PACSIN1: variants seen among roughly 807,000 people sequenced by gnomAD.
PACSIN1 encodes protein kinase C and casein kinase substrate in neurons 1, also known as protein kinase C and casein kinase substrate in neurons protein 1.
In PACSIN1, 15 loss-of-function variants were observed where a neutral mutation model predicts 59.5. That is an observed-to-expected ratio of 0.25 (90% confidence interval 0.17 to 0.39). The LOEUF is 0.39. Ranked by LOEUF, PACSIN1 falls within the 10% of genes least tolerant of loss-of-function variation. The probability of loss-of-function intolerance (pLI) is 1.00; values close to 1 mark genes in which losing one functional copy is unlikely to be tolerated. For missense variants in PACSIN1, 420 were observed against 580.2 expected, an observed-to-expected ratio of 0.72 and a Z score of 2.84; for synonymous variants, 210 against 220.6, an observed-to-expected ratio of 0.95 and a Z score of 0.42.
At position 34,508,860 on chromosome 6, in the gene PACSIN1, T is replaced by A. The variant is rs551678749; in HGVS notation, c.-63-17383T>A. 1.4e-4 allele frequency among the ~76,000 whole-genome samples: 21 copies of A among 152,348 alleles called. No individual in the cohort carries two copies. In the South Asian group the frequency reaches 3.5e-3, roughly 26 times the overall value. ...TCTGTTCAAGCCCTTTGCTCATTTTTAAATTTTTTTTAAGCTATCCAGTTA... is the reference window on the plus strand; with the variant it reads ...TCTGTTCAAGCCCTTTGCTCATTTTAAAATTTTTTTTAAGCTATCCAGTTA... On this transcript the variant is annotated intron_variant, in intron 1 of 9. Coordinates refer to ENST00000244458, the MANE Select transcript of PACSIN1 (RefSeq NM_020804.5).
intron 1 of PACSIN1, among the ~76,000 whole-genome samples, chr6:34,474,539 C>T (rs1766611872): frequency 6.6e-6 from 1 of 152,074 alleles, no homozygotes; most frequent in Non-Finnish European, 1.5e-5. Context: ...CCTGTAATCC[C>T]AGCACTTTGG....
In PACSIN1 at chr6:34,504,284, ATATATAT is replaced by A. The variant is rs1224435689; in HGVS notation, c.-63-21957_-63-21951del. On this transcript the variant is annotated intron_variant, in intron 1 of 9. Coordinates refer to ENST00000244458, the MANE Select transcript of PACSIN1 (RefSeq NM_020804.5). ...TGTGTGTGTGTGTATATATATATAT[ATATATAT>A]TTTTTTTTTTTTTTTTTTAAACGGA... Among the ~76,000 whole-genome samples the A allele has an allele frequency of 1.7e-3, 140 of 80,132 alleles. 1 individual carries two copies. Among genetic ancestry groups the A allele is most frequent in the African/African-American group, 2.0e-3 (32 of 15,942 alleles). 52.6% of individuals were successfully genotyped at this position (80,132 alleles called of 152,430 possible).
At chr6:34,524,950 G>T (rs762260921) in intron 1 of PACSIN1, among the ~76,000 whole-genome samples, 1 of 151,582 alleles carries the variant, frequency 6.6e-6, no homozygotes, top group African/African-American at 2.4e-5. Context: ...TGACATTAAG[G>T]GTTCTAGAAG....
At chr6:34,497,910 G>A (rs193077544) in intron 1 of PACSIN1, among the ~76,000 whole-genome samples, 16 of 152,222 alleles carry the variant, frequency 1.1e-4, no homozygotes, top group African/African-American at 3.9e-4. Context: ...AATACAATTG[G>A]GACTAAGATT....
In PACSIN1 at chr6:34,528,946, G is replaced by A; in HGVS notation, c.456+69G>A. 2.3e-6 allele frequency: 3 copies of A among 1,281,808 alleles called. No homozygotes were observed. In the South Asian group the frequency reaches 3.7e-5, roughly 16 times the overall value. 79.4% of individuals were successfully genotyped at this position (1,281,808 alleles called of 1,614,324 possible). A position where few individuals can be genotyped will look rare whatever the true frequency, so the allele number is the denominator to read the frequency against. ...CTGATCAGAGGGTGCTGATCCCAGG[G>A]AGGGCATCTATGGATGGGTGGGCTG... On this transcript the variant is annotated intron_variant, in intron 4 of 9. Coordinates refer to ENST00000244458, the MANE Select transcript of PACSIN1 (RefSeq NM_020804.5).
At position 34,498,924 on chromosome 6, in the gene PACSIN1, G is replaced by A. The variant is rs545339022; in HGVS notation, c.-63-27319G>A. ...GTTTTTGGCACCGGGGACTGGTTTC[G>A]TGGAAGACAGTTTTTCCACAGACTG... On this transcript the variant is annotated intron_variant, in intron 1 of 9. Transcript: ENST00000244458. 5.2e-3 allele frequency among the ~76,000 whole-genome samples: 793 copies of A among 151,984 alleles called. 6 individuals are homozygous for A. The highest frequency in any genetic ancestry group is 9.1e-3 in the Non-Finnish European group (617 of 68,000).
chr6:34,492,618 G>A (rs1213662963), intron 1 of PACSIN1, among the ~76,000 whole-genome samples: 1 of 152,196 alleles, frequency 6.6e-6, no homozygotes, highest in Non-Finnish European at 1.5e-5. Context: ...CTGACCTCAA[G>A]TGATCCACCC....
At position 34,507,963 on chromosome 6, in the gene PACSIN1, A is replaced by T. The variant is rs575980477; in HGVS notation, c.-63-18280A>T. Among the ~76,000 whole-genome samples, 8 of 152,358 alleles carry T rather than the reference A, an allele frequency of 5.3e-5. No individual in the cohort carries two copies. In the East Asian group the frequency reaches 1.5e-3, roughly 29 times the overall value. On this transcript the variant is annotated intron_variant, in intron 1 of 9. Transcript: ENST00000244458. ...TCCATTCATCCATTGATGGATATTT[A>T]GATTGTTTCCACATCTTGGTAACTG...
intron 1 of PACSIN1, among the ~76,000 whole-genome samples, chr6:34,469,042 CT>C (rs1766535755): frequency 6.6e-6 from 1 of 151,942 alleles, no homozygotes; most frequent in Non-Finnish European, 1.5e-5. Flanking sequence ...GGTAGAAAGC[CT>C]TCCCTGGAGA....
chr6:34,504,668 G>A (rs1337157849), intron 1 of PACSIN1, among the ~76,000 whole-genome samples: 4 of 152,050 alleles, frequency 2.6e-5, no homozygotes, highest in Non-Finnish European at 2.9e-5. Context: ...ATATTTACCC[G>A]TATTTTTACT....
chr6:34,491,336 C>G (rs1015781486), intron 1 of PACSIN1, among the ~76,000 whole-genome samples: 3 of 152,172 alleles, frequency 2.0e-5, no homozygotes, highest in African/African-American at 7.2e-5. Context: ...CCCAGCCTCT[C>G]CAATTCGGGA....
At chr6:34,494,295 C>T (rs1766917589) in intron 1 of PACSIN1, among the ~76,000 whole-genome samples, 1 of 152,210 alleles carries the variant, frequency 6.6e-6, no homozygotes. Flanking sequence ...TCATCAATGT[C>T]CTCTTAGAAG....
intron 1 of PACSIN1, among the ~76,000 whole-genome samples, chr6:34,489,922 T>C (rs760783159): frequency 3.9e-5 from 6 of 152,154 alleles, no homozygotes; most frequent in African/African-American, 7.2e-5. Flanking sequence ...GATTCTGGGG[T>C]TGCAGGGTCC....
At chr6:34,509,367 G>A (rs1450143813) in intron 1 of PACSIN1, among the ~76,000 whole-genome samples, 1 of 152,104 alleles carries the variant, frequency 6.6e-6, no homozygotes, top group South Asian at 2.1e-4. Context: ...TCTTCATTCT[G>A]TTCCATTGGT....
Position 34,532,823 on chromosome 6 carries a change from C to G in PACSIN1, c.*293C>G, listed in dbSNP as rs1019975151. 2 of 332,258 alleles carry G rather than the reference C, an allele frequency of 6.0e-6. No individual in the cohort carries two copies. Among genetic ancestry groups the G allele is most frequent in the South Asian group, 4.1e-5 (1 of 24,440 alleles). 20.6% of individuals were successfully genotyped at this position (332,258 alleles called of 1,614,324 possible). On this transcript the variant is annotated 3_prime_UTR_variant, in exon 10 of 10. Coordinates refer to ENST00000244458, the MANE Select transcript of PACSIN1 (RefSeq NM_020804.5). The surrounding 1 kb of genome is among the most constrained non-coding windows in gnomAD (Gnocchi z 5.2). ...GTTCCACCAAAGAGTCTCCTGAGCC[C>G]TGAGGGATGGATGTCTCCTGACCCT...
chr6:34,473,877 C>T (rs1581955212), intron 1 of PACSIN1, among the ~76,000 whole-genome samples: 1 of 152,188 alleles, frequency 6.6e-6, no homozygotes, highest in Admixed American at 6.5e-5. Flanking sequence ...TTTTCTAACA[C>T]AATCACAATA....
intron 1 of PACSIN1, among the ~76,000 whole-genome samples, chr6:34,509,842 T>G (rs1017735238): frequency 6.6e-6 from 1 of 152,238 alleles, no homozygotes; most frequent in Admixed American, 6.5e-5. Flanking sequence ...AGAATTGGGT[T>G]CTTAAATTTT....
chr6:34,485,520 T>C (rs905162573), intron 1 of PACSIN1, among the ~76,000 whole-genome samples: 1 of 152,088 alleles, frequency 6.6e-6, no homozygotes, highest in Non-Finnish European at 1.5e-5. Flanking sequence ...AACAGTGGTG[T>C]TGTGTCCTGA....
intron 1 of PACSIN1, among the ~76,000 whole-genome samples, chr6:34,476,433 C>T (rs375872025): frequency 6.6e-6 from 1 of 152,078 alleles, no homozygotes; most frequent in African/African-American, 2.4e-5. Context: ...ACTCCCTCCC[C>T]CCTCCACCAG....
Sources: gnomAD v4.1 joint callset for allele counts (sites outside exome capture counted in the v4.1 genomes callset) on GRCh38, gnomAD v4.1.1 for gene constraint, Gnocchi (gnomAD v3.1) non-coding constraint, MANE v1.5 for transcripts, NCBI Gene and HGNC (gene_info 2026-07-23, HGNC 2026-07-21) for gene names.